ISM1: variants seen among roughly 807,000 people sequenced by gnomAD.
ISM1 encodes the protein isthmin-1.
In ISM1, 25 loss-of-function variants were observed where a neutral mutation model predicts 46.3. The observed-to-expected ratio is 0.54, with a 90% confidence interval of 0.39 to 0.75. The LOEUF (loss-of-function observed/expected upper bound fraction) is 0.75. ISM1 is among the 30% of genes least tolerant of loss of function. ISM1 has a pLI of 0.00. For synonymous variants in ISM1, 255 were observed against 256.7 expected (o/e 0.99, Z 0.06); for missense variants, 536 against 625.4 (o/e 0.86, Z 1.52).
chr20:13,305,199 T>TAA (rs5840562), downstream of ISM1, among the ~76,000 whole-genome samples: 38 of 137,500 alleles, frequency 2.8e-4, no homozygotes, highest in Middle Eastern at 3.7e-3. Flanking sequence ...GTTGAGTTGT[T>TAA]AAAAAAAAAA....
At chr20:13,238,791 G>A (rs141255544) in intron 1 of ISM1, among the ~76,000 whole-genome samples, 1 of 152,124 alleles carries the variant, frequency 6.6e-6, no homozygotes, top group Admixed American at 6.5e-5. Context: ...ATCCTTTCAG[G>A]TTCACTCATG....
intron 1 of ISM1, among the ~76,000 whole-genome samples, chr20:13,268,554 G>A (rs1185880451): frequency 2.6e-5 from 4 of 152,134 alleles, no homozygotes; most frequent in Middle Eastern, 3.2e-3. Flanking sequence ...CACTGCCCCC[G>A]GCCACATCTT....
At chr20:13,296,786 G>A (rs1413663163) in intron 5 of ISM1, among the ~76,000 whole-genome samples, 1 of 152,134 alleles carries the variant, frequency 6.6e-6, no homozygotes, top group Non-Finnish European at 1.5e-5. Flanking sequence ...TTGGGAGTCC[G>A]AGGTGGGTGG....
At chr20:13,236,817 C>T (rs2039655235) in intron 1 of ISM1, among the ~76,000 whole-genome samples, 1 of 152,248 alleles carries the variant, frequency 6.6e-6, no homozygotes, top group Non-Finnish European at 1.5e-5. Context: ...GGTCTCACAT[C>T]AAGGTGACAC....
chr20:13,243,712 A>G (rs6105056), intron 1 of ISM1, among the ~76,000 whole-genome samples: 37,555 of 151,970 alleles, frequency 0.25, 4,688 homozygotes, highest in African/African-American at 0.3. Flanking sequence ...AGCATGCCCA[A>G]TATTTTAAGC....
intron 5 of ISM1, 29 bp downstream of exon 5, chr20:13,292,492 T>C: frequency 7.1e-7 from 1 of 1,400,820 alleles, no homozygotes; most frequent in Non-Finnish European, 9.9e-7. Context: ...TTAATCCAAA[T>C]ATTGACTTAG....
intron 1 of ISM1, among the ~76,000 whole-genome samples, chr20:13,227,638 A>G (rs2039541874): frequency 6.6e-6 from 1 of 151,136 alleles, no homozygotes; most frequent in African/African-American, 2.4e-5. Context: ...CCTCCCGGGT[A>G]GCTGGGACTA....
At chr20:13,279,551 C>A in intron 2 of ISM1, 83 bp from the exon 3 acceptor site, 1 of 1,352,430 alleles carries the variant, frequency 7.4e-7, no homozygotes, top group Non-Finnish European at 1.0e-6. Context: ...TTTCCCTCTG[C>A]CCTCTCAGAC....
At chr20:13,223,578 A>G (rs1263953061) in intron 1 of ISM1, among the ~76,000 whole-genome samples, 1 of 152,208 alleles carries the variant, frequency 6.6e-6, no homozygotes, top group Non-Finnish European at 1.5e-5. Flanking sequence ...CGCAATTACA[A>G]AACAGTAGAA....
intron 1 of ISM1, among the ~76,000 whole-genome samples, chr20:13,261,075 G>T (rs535314962): frequency 6.6e-6 from 1 of 152,164 alleles, no homozygotes; most frequent in Non-Finnish European, 1.5e-5. Context: ...AGGCACAAGT[G>T]CTTTTCAAGT....
intron 5 of ISM1, among the ~76,000 whole-genome samples, chr20:13,298,369 GC>G (rs1175475382): frequency 6.6e-6 from 1 of 152,200 alleles, no homozygotes; most frequent in African/African-American, 2.4e-5. Flanking sequence ...GCCCGCCTCA[GC>G]CTCCCAAAGT....
chr20:13,272,080 A>G (rs564925685), intron 2 of ISM1, among the ~76,000 whole-genome samples: 2 of 152,170 alleles, frequency 1.3e-5, no homozygotes, highest in Non-Finnish European at 2.9e-5. Context: ...CAGCCAGCCC[A>G]TACTTGTAAG....
At chr20:13,238,196 A>G (rs1227213641) in intron 1 of ISM1, 2 of 152,170 alleles carry the variant, frequency 1.3e-5, no homozygotes, top group African/African-American at 2.4e-5. Flanking sequence ...ACATTGCCCA[A>G]ACATTCCCAG....
intron 1 of ISM1, among the ~76,000 whole-genome samples, chr20:13,256,534 T>G (rs1250791443): frequency 1.3e-5 from 2 of 152,042 alleles, no homozygotes; most frequent in African/African-American, 4.8e-5. Context: ...TGTATTTTAA[T>G]AGGGGATCAT....
At chr20:13,287,026 C>T (rs1410092303) in intron 3 of ISM1, among the ~76,000 whole-genome samples, 2 of 152,184 alleles carry the variant, frequency 1.3e-5, no homozygotes, top group African/African-American at 4.8e-5. Context: ...TACCAGAGCC[C>T]TGCTTTCCTT....
chr20:13,297,951 G>A (rs1427305719), intron 5 of ISM1, among the ~76,000 whole-genome samples: 2 of 152,134 alleles, frequency 1.3e-5, no homozygotes, highest in African/African-American at 4.8e-5. Flanking sequence ...TGAATTTGCA[G>A]ACAGCGATGG....
intron 2 of ISM1, among the ~76,000 whole-genome samples, chr20:13,273,975 A>G (rs1242329921): frequency 6.6e-6 from 1 of 152,136 alleles, no homozygotes; most frequent in East Asian, 1.9e-4. Flanking sequence ...ACAAAATGTT[A>G]GTATTGGTCA....
In ISM1 at chr20:13,249,558, C is replaced by T. The variant is rs535575808; in HGVS notation, c.139-20946C>T. On this transcript the variant is annotated intron_variant, in intron 1 of 5. Transcript: ENST00000262487. Reference sequence around the variant, plus strand: ...CAAATTATACACCTCGGAAAATAAACGAGCTTTCATTTTGGAAGGAAACCC... The same window carrying T: ...CAAATTATACACCTCGGAAAATAAATGAGCTTTCATTTTGGAAGGAAACCC... 7.6e-4 allele frequency among the ~76,000 whole-genome samples: 115 copies of T among 152,298 alleles called. 1 individual carries two copies. Among genetic ancestry groups the T allele is most frequent in the African/African-American group, 2.6e-3 (109 of 41,552 alleles).
Position 13,253,366 on chromosome 20 carries a change from C to T in ISM1, c.139-17138C>T, listed in dbSNP as rs76710995. ...GTGGGTGACCACTCAGAGGGTCTCC[C>T]CATGCTGGATGGGAGGCCTTGGAGC... On this transcript the variant is annotated intron_variant, in intron 1 of 5. Transcript: ENST00000262487. 3.3e-3 allele frequency among the ~76,000 whole-genome samples: 497 copies of T among 152,284 alleles called. 4 individuals are homozygous for T. The highest frequency in any genetic ancestry group is 0.011 in the African/African-American group (462 of 41,566).
Sources: gnomAD v4.1 joint callset for allele counts (sites outside exome capture counted in the v4.1 genomes callset) on GRCh38, gnomAD v4.1.1 for gene constraint, MANE v1.5 for transcripts, NCBI Gene and HGNC (gene_info 2026-07-23, HGNC 2026-07-21) for gene names.